FAM180A: variants seen among roughly 807,000 people sequenced by gnomAD.
FAM180A encodes the protein protein FAM180A.
A neutral mutation model predicts 15.3 loss-of-function variants in FAM180A; 14 were observed. The ratio of observed to expected loss-of-function variants is 0.92; its 90% CI spans 0.61 to 1.43. The LOEUF (loss-of-function observed/expected upper bound fraction) is 1.43, where lower values mean the gene tolerates loss of function less well. Among genes scored for constraint, FAM180A ranks in the 40% most tolerant of loss-of-function variants. The pLI, the probability that FAM180A is intolerant of heterozygous loss-of-function variation, is 0.00. For missense variants in FAM180A, 200 were observed against 220.8 expected (o/e 0.91, Z 0.60); for synonymous variants, 90 against 96.8 (o/e 0.93, Z 0.41).
At chr7:135,746,201 A>G (rs761330454) in intron 1 of FAM180A, among the ~76,000 whole-genome samples, 11 of 152,150 alleles carry the variant, frequency 7.2e-5, no homozygotes, top group South Asian at 2.1e-4. Flanking sequence ...ACCTTCCCCA[A>G]TGCGGAAGGA....
intron 2 of FAM180A, among the ~76,000 whole-genome samples, chr7:135,736,888 G>A (rs1796879725): frequency 6.6e-6 from 1 of 152,194 alleles, no homozygotes; most frequent in Admixed American, 6.5e-5. Flanking sequence ...TGCCATCATT[G>A]TCTGTTATAG....
chr7:135,732,334 T>C (rs1269346671), intron 3 of FAM180A, among the ~76,000 whole-genome samples: 1 of 152,190 alleles, frequency 6.6e-6, no homozygotes, highest in Admixed American at 6.5e-5. Context: ...AGTTAAAGGA[T>C]TGTAGGAACT....
chr7:135,736,952 T>C (rs1417039845), intron 2 of FAM180A, 147 bp downstream of exon 2: 1 of 671,874 alleles, frequency 1.5e-6, no homozygotes, highest in Non-Finnish European at 2.7e-6. Flanking sequence ...GTAGGTTCTA[T>C]GACCTCTACA....
At position 135,730,083 on chromosome 7, in the gene FAM180A, C is replaced by T. The variant is rs922441368; in HGVS notation, c.*528G>A. 29 of 985,076 alleles carry T rather than the reference C, an allele frequency of 2.9e-5. No homozygotes were observed. The highest frequency in any genetic ancestry group is 3.5e-5 in the Non-Finnish European group (29 of 829,902). The allele number at this position is 985,076 out of a possible 1,614,324, so 61.0% of individuals were successfully genotyped here. A position where few individuals can be genotyped will look rare whatever the true frequency, so the allele number is the denominator to read the frequency against. On this transcript the variant is annotated 3_prime_UTR_variant, in exon 4 of 4. Coordinates refer to ENST00000338588, the MANE Select transcript of FAM180A (RefSeq NM_205855.4). ...GTGTTGTAAAAAGTCATTTAACAAG[C>T]ATTTGATTTTAGACCATTGGACCTG...
chr7:135,734,994 T>C (rs1160100773), intron 2 of FAM180A, among the ~76,000 whole-genome samples: 3 of 152,106 alleles, frequency 2.0e-5, no homozygotes, highest in African/African-American at 4.8e-5. Flanking sequence ...CTCCACCTCC[T>C]GGGTTCAAGC....
At chr7:135,732,688 ATCACACACACACAC>A (rs1796801463) in intron 3 of FAM180A, among the ~76,000 whole-genome samples, 1 of 99,118 alleles carries the variant, frequency 1.0e-5, no homozygotes, top group African/African-American at 3.8e-5. Context: ...GCGAGACTCC[ATCACACACACACAC>A]ACACACACAC....
intron 2 of FAM180A, among the ~76,000 whole-genome samples, chr7:135,734,697 T>A (rs574799124): frequency 7.0e-4 from 106 of 152,298 alleles, no homozygotes; most frequent in African/African-American, 2.5e-3. Context: ...CCAACAAAGA[T>A]CATCTAAAGC....
At chr7:135,738,190 TTTTG>T (rs1180812352) in intron 1 of FAM180A, among the ~76,000 whole-genome samples, 26 of 151,864 alleles carry the variant, frequency 1.7e-4, no homozygotes, top group Non-Finnish European at 3.2e-4. Flanking sequence ...GCTGCCTGAT[TTTTG>T]TTTGTTTGTT....
intron 1 of FAM180A, among the ~76,000 whole-genome samples, chr7:135,740,784 G>A (rs534102470): frequency 6.6e-6 from 1 of 152,200 alleles, no homozygotes; most frequent in Admixed American, 6.5e-5. Context: ...GTTGGTCCTA[G>A]GTCAAGGTGT....
rs1796826180 is a variant in FAM180A, at chr7:135,733,719, C to A, written c.*256G>T. ...CAGAATTCTGCCTGCCATAGGCAAA[C>A]CATTCTGCCCATGGAGGCGTCTTGA... On this transcript the variant is annotated 3_prime_UTR_variant, in exon 3 of 4. Transcript: ENST00000338588. 3.1e-6 allele frequency: 4 copies of A among 1,291,426 alleles called. No individual in the cohort carries two copies. Among genetic ancestry groups the A allele is most frequent in the East Asian group, 3.2e-5 (1 of 31,450 alleles). 80.0% of individuals were successfully genotyped at this position (1,291,426 alleles called of 1,614,324 possible).
At chr7:135,737,624 G>A (rs1236140641) in intron 1 of FAM180A, among the ~76,000 whole-genome samples, 1 of 130,798 alleles carries the variant, frequency 7.6e-6, no homozygotes, top group Non-Finnish European at 1.6e-5. Flanking sequence ...AAAAAAAAAA[G>A]GACTGACTGG....
chr7:135,740,662 G>T (rs1796932498), intron 1 of FAM180A, among the ~76,000 whole-genome samples: 1 of 152,208 alleles, frequency 6.6e-6, no homozygotes, highest in South Asian at 2.1e-4. Context: ...TATCTGATGG[G>T]GCCTTACAAG....
rs111736627 is a variant in FAM180A, at chr7:135,733,627, G to A, written c.*329+19C>T. On this transcript the variant is annotated intron_variant, in intron 3 of 3. Coordinates refer to ENST00000338588, the MANE Select transcript of FAM180A (RefSeq NM_205855.4). ...CTCCTAAAGTGCTGGGATTACAGGC[G>A]TGAGCCTCTGTGCCCGGCCTGTTCT... is the stretch of plus-strand genomic sequence containing the variant. The A allele has an allele frequency of 8.4e-3, 8,717 of 1,034,304 alleles. 137 individuals carry two copies. The highest frequency in any genetic ancestry group is 0.08 in the East Asian group (959 of 11,982). 64.1% of individuals were successfully genotyped at this position (1,034,304 alleles called of 1,614,324 possible). A position where few individuals can be genotyped will look rare whatever the true frequency, so the allele number is the denominator to read the frequency against.
chr7:135,744,257 G>C (rs1420370729), intron 1 of FAM180A, among the ~76,000 whole-genome samples: 2 of 152,104 alleles, frequency 1.3e-5, no homozygotes, highest in African/African-American at 4.8e-5. Flanking sequence ...CAGTAGTATG[G>C]TATTCAGGCT....
intron 2 of FAM180A, among the ~76,000 whole-genome samples, chr7:135,736,235 C>G (rs1040439567): frequency 6.6e-6 from 1 of 152,278 alleles, no homozygotes; most frequent in Middle Eastern, 3.4e-3. Flanking sequence ...GTTGGCCAGG[C>G]TGGTCTTGAA....
Position 135,739,737 on chromosome 7 carries a change from C to G in FAM180A, c.77-2538G>C, listed in dbSNP as rs1052684484. 4.0e-5 allele frequency among the ~76,000 whole-genome samples: 6 copies of G among 151,266 alleles called. No homozygotes were observed. In the East Asian group the frequency reaches 9.7e-4, roughly 25 times the overall value. On this transcript the variant is annotated intron_variant, in intron 1 of 3. Transcript: ENST00000338588. ...TAGAGGAACTTTCCTGAAAAGCTCA[C>G]TGGTAGGAATCTCCCATGTCCCAGA...
chr7:135,732,294 G>C (rs995099666), intron 3 of FAM180A, among the ~76,000 whole-genome samples: 9 of 152,234 alleles, frequency 5.9e-5, no homozygotes, highest in Admixed American at 5.2e-4. Context: ...TGACTTCTTA[G>C]ATCCAGGTGC....
chr7:135,730,229 T>A lies in FAM180A; in HGVS notation c.*382A>T, dbSNP rs1307199961. On this transcript the variant is annotated 3_prime_UTR_variant, in exon 4 of 4. Coordinates refer to ENST00000338588, the MANE Select transcript of FAM180A (RefSeq NM_205855.4). Reference sequence around the variant, plus strand: ...GAGATAGCTGTGAGGATGCCAACGATGGAGGAAACTTAGAAAGTTTTTAGA... The same window carrying A: ...GAGATAGCTGTGAGGATGCCAACGAAGGAGGAAACTTAGAAAGTTTTTAGA... 4.1e-6 allele frequency: 4 copies of A among 985,268 alleles called. No homozygotes were observed. The Admixed American group carries it at 1.8e-4, about 45-fold the overall frequency. 61.0% of individuals were successfully genotyped at this position (985,268 alleles called of 1,614,324 possible).
chr7:135,729,885 A>G lies in FAM180A; in HGVS notation c.*726T>C. 5.8e-6 allele frequency: 4 copies of G among 691,526 alleles called. No individual in the cohort carries two copies. Among genetic ancestry groups the G allele is most frequent in the Non-Finnish European group, 7.1e-6 (4 of 561,924 alleles). 42.8% of individuals were successfully genotyped at this position (691,526 alleles called of 1,614,324 possible). ...GGAAAAGAGGAGTTGTTCGGTGGGT[A>G]TAGAACTTCAGAATTACAAGATGAG... On this transcript the variant is annotated 3_prime_UTR_variant, in exon 4 of 4. Transcript: ENST00000338588.
Sources: gnomAD v4.1 joint callset for allele counts (sites outside exome capture counted in the v4.1 genomes callset) on GRCh38, gnomAD v4.1.1 for gene constraint, MANE v1.5 for transcripts, NCBI Gene and HGNC (gene_info 2026-07-23, HGNC 2026-07-21) for gene names.